TRNAU1AP: variants seen among roughly 807,000 people sequenced by gnomAD.
The protein encoded by TRNAU1AP is tRNA selenocysteine 1 associated protein 1, also known as tRNA selenocysteine 1-associated protein 1.
Under a neutral mutation model 43.3 loss-of-function variants are expected in TRNAU1AP, and 33 were observed. The observed-to-expected ratio is 0.76, with a 90% CI of 0.58 to 1.02. TRNAU1AP has a LOEUF of 1.02. Among genes scored for constraint, TRNAU1AP ranks in the 50% least tolerant of loss-of-function variants. The probability of loss-of-function intolerance (pLI) is 0.00; values close to 1 mark genes in which losing one functional copy is unlikely to be tolerated. For synonymous variants in TRNAU1AP, 143 were observed against 129.1 expected (o/e 1.11, Z -0.73); for missense variants, 290 against 362.7 (o/e 0.80, Z 1.63).
chr1:28,566,775 A>AG (rs1417606528), intron 5 of TRNAU1AP, among the ~76,000 whole-genome samples: 6 of 151,564 alleles, frequency 4.0e-5, no homozygotes, highest in African/African-American at 9.7e-5. Context: ...AAAAAAAAAA[A>AG]AGAGAGAGAA....
chr1:28,563,723 G>A (rs1665471257), intron 4 of TRNAU1AP, among the ~76,000 whole-genome samples: 2 of 151,864 alleles, frequency 1.3e-5, no homozygotes, highest in South Asian at 4.1e-4. Flanking sequence ...GTAGTGGCAT[G>A]TGCCTGTAGT....
intron 6 of TRNAU1AP, among the ~76,000 whole-genome samples, chr1:28,568,599 T>G (rs1665591308): frequency 6.6e-6 from 1 of 152,126 alleles, no homozygotes; most frequent in South Asian, 2.1e-4. Context: ...TTAGCCAAAT[T>G]AATGATTTTC....
At chr1:28,570,666 G>C (rs1369234955) in intron 6 of TRNAU1AP, among the ~76,000 whole-genome samples, 1 of 151,948 alleles carries the variant, frequency 6.6e-6, no homozygotes, top group African/African-American at 2.4e-5. Flanking sequence ...GGTCTCTGGA[G>C]CCATACTCTC....
At chr1:28,562,021 T>G (rs552036000) in intron 4 of TRNAU1AP, among the ~76,000 whole-genome samples, 59 of 152,048 alleles carry the variant, frequency 3.9e-4, no homozygotes, top group Non-Finnish European at 7.4e-4. Flanking sequence ...TGATCAAGGC[T>G]ACTGTGAGCC....
chr1:28,554,853 A>G (rs1665223261), intron 2 of TRNAU1AP, among the ~76,000 whole-genome samples: 1 of 151,532 alleles, frequency 6.6e-6, no homozygotes, highest in Admixed American at 6.6e-5. Flanking sequence ...AAAAAAAAAA[A>G]AAAAGAGTTA....
chr1:28,563,207 T>C (rs961398646), intron 4 of TRNAU1AP, among the ~76,000 whole-genome samples: 8 of 151,956 alleles, frequency 5.3e-5, no homozygotes, highest in Admixed American at 2.0e-4. Flanking sequence ...TGTATTCTTA[T>C]TATACAAGGA....
chr1:28,568,204 T>A (rs868242247), intron 6 of TRNAU1AP, among the ~76,000 whole-genome samples: 1 of 152,040 alleles, frequency 6.6e-6, no homozygotes, highest in Non-Finnish European at 1.5e-5. Context: ...TACAGAACAT[T>A]ATATACTTCA....
Position 28,578,391 on chromosome 1 carries a change from G to A in TRNAU1AP, c.*755G>A. The A allele has an allele frequency of 5.1e-6, 1 of 196,538 alleles. No homozygotes were observed. The highest frequency in any genetic ancestry group is 1.0e-5 in the Non-Finnish European group (1 of 95,818). The allele number at this position is 196,538 out of a possible 1,614,324, so 12.2% of individuals were successfully genotyped here. On this transcript the variant is annotated 3_prime_UTR_variant, in exon 9 of 9. Coordinates refer to ENST00000373830, the MANE Select transcript of TRNAU1AP (RefSeq NM_017846.5). The stretch of plus-strand genomic sequence containing the variant: ...ACCTTGTCATGTGTTGGGACTTACT[G>A]CTTGAGGCAAAGCATTCATCCTACA...
intron 5 of TRNAU1AP, among the ~76,000 whole-genome samples, chr1:28,566,759 CAAAA>C (rs1204229638): frequency 9.7e-5 from 7 of 72,350 alleles, no homozygotes; most frequent in South Asian, 4.0e-4. Flanking sequence ...AACTCCATCT[CAAAA>C]AAAAAAAAAA....
At chr1:28,562,691 C>T (rs1263220748) in intron 4 of TRNAU1AP, among the ~76,000 whole-genome samples, 1 of 151,690 alleles carries the variant, frequency 6.6e-6, no homozygotes, top group Admixed American at 6.6e-5. Flanking sequence ...TGCCGTTCTC[C>T]TGCCTCACCC....
rs749754023 is a variant in TRNAU1AP at position 28,564,786 on chromosome 1, C to G, written c.362C>G (p.Pro121Arg). 1.4e-5 allele frequency: 23 copies of G among 1,614,122 alleles called. No individual in the cohort carries two copies. The highest frequency in any genetic ancestry group is 3.3e-4 in the Middle Eastern group (2 of 6,060). Residue 121 changes from proline (P) to arginine (R), a missense_variant, in exon 5 of 9, where the codon CCC becomes CGC. By Grantham distance (103) the Pro-to-Arg change is moderately radical. Transcript: ENST00000373830. Reference protein sequence around the residue: ...MLYEFFVKVYPSCRGGKVVLD... With the variant: ...MLYEFFVKVYRSCRGGKVVLD... ...TATGAATTCTTCGTCAAAGTCTACC[C>G]CTCCTGTCGGGGAGGCAAGGTGGTT...
intron 4 of TRNAU1AP, among the ~76,000 whole-genome samples, chr1:28,562,467 A>G (rs1665432806): frequency 6.6e-6 from 1 of 152,240 alleles, no homozygotes; most frequent in African/African-American, 2.4e-5. Flanking sequence ...GATCGTATTT[A>G]TGAACATTTA....
At chr1:28,558,920 C>T (rs544218800) in intron 2 of TRNAU1AP, among the ~76,000 whole-genome samples, 1 of 152,260 alleles carries the variant, frequency 6.6e-6, no homozygotes, top group South Asian at 2.1e-4. Flanking sequence ...ACAAAATTAT[C>T]AGTGATTCTC....
At chr1:28,559,653 T>G (rs1183239374) in intron 2 of TRNAU1AP, among the ~76,000 whole-genome samples, 4 of 151,734 alleles carry the variant, frequency 2.6e-5, no homozygotes, top group African/African-American at 9.7e-5. Flanking sequence ...AGAGCAAAAC[T>G]CGGTCTCAGA....
At chr1:28,566,886 G>A (rs1374741652) in intron 5 of TRNAU1AP, among the ~76,000 whole-genome samples, 3 of 152,202 alleles carry the variant, frequency 2.0e-5, no homozygotes, top group African/African-American at 7.2e-5. Flanking sequence ...CAGGAACGTT[G>A]TCTTTCTGTG....
chr1:28,571,782 C>CAAAAAAAAAAAAAATAAAAAAAAA, intron 7 of TRNAU1AP, 85 bp from the exon 8 acceptor site: 1 of 920,148 alleles, frequency 1.1e-6, no homozygotes, highest in Admixed American at 2.3e-5. Flanking sequence ...GACTCCACCT[C>CAAAAAAAAAAAAAATAAAAAAAAA]AAAAAAAATA....
chr1:28,577,748 T>A lies in TRNAU1AP; in HGVS notation c.*112T>A. The stretch of plus-strand genomic sequence containing the variant: ...ATTTGTAAGATTTTAATAATGACTG[T>A]TTTTGGAGATCATGAATGTTTCTAC... On this transcript the variant is annotated 3_prime_UTR_variant, in exon 9 of 9. Coordinates refer to ENST00000373830, the MANE Select transcript of TRNAU1AP (RefSeq NM_017846.5). 1 of 1,203,372 alleles carries A rather than the reference T, an allele frequency of 8.3e-7. No individual in the cohort carries two copies. Among genetic ancestry groups the A allele is most frequent in the Non-Finnish European group, 1.2e-6 (1 of 855,324 alleles). 74.5% of individuals were successfully genotyped at this position (1,203,372 alleles called of 1,614,324 possible). A position where few individuals can be genotyped will look rare whatever the true frequency, so the allele number is the denominator to read the frequency against.
chr1:28,566,261 G>A (rs1665534728), intron 5 of TRNAU1AP, among the ~76,000 whole-genome samples: 1 of 149,638 alleles, frequency 6.7e-6, no homozygotes, highest in Non-Finnish European at 1.5e-5. Context: ...GTTGCAGTGA[G>A]CCAAGATCGT....
At chr1:28,571,786 A>AAAAATAAAAATAAAAT in intron 7 of TRNAU1AP, 81 bp from the exon 8 acceptor site, 1 of 1,008,570 alleles carries the variant, frequency 9.9e-7, no homozygotes, top group South Asian at 1.3e-5. Flanking sequence ...CCACCTCAAA[A>AAAAATAAAAATAAAAT]AAAATAAAAA....
Sources: allele counts gnomAD v4.1 joint callset (sites outside exome capture counted in the v4.1 genomes callset), GRCh38; gene constraint gnomAD v4.1.1; transcripts MANE v1.5; gene names NCBI Gene and HGNC (gene_info 2026-07-23, HGNC 2026-07-21).